Variants in CREB1 observed in about 807,000 individuals in gnomAD.
The protein encoded by CREB1 is cAMP responsive element binding protein 1, also known as cyclic AMP-responsive element-binding protein 1.
Under a neutral mutation model 42.0 loss-of-function variants are expected in CREB1, and 2 were observed. The ratio of observed to expected loss-of-function variants is 0.05; its 90% CI spans 0.02 to 0.15. CREB1 has a LOEUF of 0.15. CREB1 is among the 10% of genes least tolerant of loss of function. The pLI, the probability that CREB1 is intolerant of heterozygous loss-of-function variation, is 1.00. For synonymous variants in CREB1, 123 were observed against 139.9 expected (o/e 0.88, Z 0.85); for missense variants, 199 against 388.9 (o/e 0.51, Z 4.11).
chr2:207,532,093 G>A (rs1281560328), intron 1 of CREB1, among the ~76,000 whole-genome samples: 1 of 151,998 alleles, frequency 6.6e-6, no homozygotes, highest in Non-Finnish European at 1.5e-5. Context: ...CGGTGGCTGA[G>A]GCCTGTAATC....
intron 3 of CREB1, among the ~76,000 whole-genome samples, chr2:207,562,395 T>C (rs1054985005): frequency 4.6e-5 from 7 of 152,242 alleles, no homozygotes; most frequent in Non-Finnish European, 1.0e-4. Context: ...TATTGTTGAT[T>C]GTATTCTTGA....
intron 5 of CREB1, 70 bp from the exon 6 acceptor site, chr2:207,575,202 C>T (rs1036998814): frequency 7.0e-7 from 1 of 1,424,892 alleles, no homozygotes; most frequent in Non-Finnish European, 9.7e-7. Context: ...AATTATTCTA[C>T]ATTGGATGTA....
Position 207,570,270 on chromosome 2 carries a change from A to G in CREB1, c.454A>G (p.Thr152Ala), listed in dbSNP as rs748868942. The G allele has an allele frequency of 6.2e-7, 1 of 1,613,754 alleles. No individual in the cohort carries two copies. Among genetic ancestry groups the G allele is most frequent in the South Asian group, 1.1e-5 (1 of 91,052 alleles). The change falls in exon 5 of 8, where the codon ACC becomes GCC. Residue 152 changes from threonine to alanine, a missense_variant. By Grantham distance (58) the Thr-to-Ala change is moderately conservative. Transcript: ENST00000353267. ...AGAGGAGACTTCAGCACCTGCCATC[A>G]CCACTGTAACGGTGCCAACTCCAAT... ...SEEETSAPAI[T>A]TVTVPTPIYQ...
intron 7 of CREB1, among the ~76,000 whole-genome samples, chr2:207,585,521 T>C (rs2106634665): frequency 6.6e-6 from 1 of 152,192 alleles, no homozygotes; most frequent in South Asian, 2.1e-4. Context: ...AAACATAAAA[T>C]ACTGAGGAAA....
At chr2:207,542,759 T>G (rs1261398053) in intron 1 of CREB1, among the ~76,000 whole-genome samples, 3 of 152,192 alleles carry the variant, frequency 2.0e-5, no homozygotes, top group Non-Finnish European at 4.4e-5. Flanking sequence ...AAAAAATATC[T>G]CTGATCTCTG....
At chr2:207,579,894 C>G (rs61671940) in intron 7 of CREB1, among the ~76,000 whole-genome samples, 1,546 of 152,216 alleles carry the variant, frequency 0.01, 25 homozygotes, top group African/African-American at 0.036. Flanking sequence ...TTGACACTTT[C>G]GACTTCTCAT....
intron 3 of CREB1, among the ~76,000 whole-genome samples, chr2:207,563,809 T>C (rs1574844200): frequency 6.6e-6 from 1 of 152,058 alleles, no homozygotes; most frequent in East Asian, 1.9e-4. Flanking sequence ...CCAGGCGTGG[T>C]GGTAGGCACC....
chr2:207,571,830 C>T (rs1195200306), intron 5 of CREB1: 1 of 408,770 alleles, frequency 2.4e-6, no homozygotes, highest in Non-Finnish European at 4.9e-6. Flanking sequence ...GGAAAGAGGC[C>T]TATCAGAATC....
intron 3 of CREB1, 52 bp downstream of exon 3, chr2:207,560,424 A>G (rs780284665): frequency 9.0e-6 from 14 of 1,547,778 alleles, no homozygotes; most frequent in African/African-American, 8.2e-5. Flanking sequence ...GTTTATAGCC[A>G]TATCTCTCTC....
At chr2:207,551,506 G>A (rs1161636492) in intron 1 of CREB1, among the ~76,000 whole-genome samples, 1 of 152,036 alleles carries the variant, frequency 6.6e-6, no homozygotes, top group African/African-American at 2.4e-5. Flanking sequence ...ATGACTTGTA[G>A]TTTTTTTAAA....
At chr2:207,589,139 C>A (rs994412814) in intron 7 of CREB1, among the ~76,000 whole-genome samples, 1 of 152,094 alleles carries the variant, frequency 6.6e-6, no homozygotes, top group Non-Finnish European at 1.5e-5. Context: ...CTGGCTTAAA[C>A]AACACAAATG....
chr2:207,582,184 A>C (rs2083052375), intron 7 of CREB1: 1 of 702,888 alleles, frequency 1.4e-6, no homozygotes, highest in East Asian at 2.7e-5. Context: ...TATGAAAGAA[A>C]TTTGTGGTCA....
At chr2:207,570,566 T>G (rs2082315732) in intron 5 of CREB1, among the ~76,000 whole-genome samples, 1 of 152,206 alleles carries the variant, frequency 6.6e-6, no homozygotes, top group African/African-American at 2.4e-5. Context: ...TTTGTTTTTG[T>G]GCAGATGCAT....
At chr2:207,595,773 T>C (rs1196086716) in intron 7 of CREB1, among the ~76,000 whole-genome samples, 4 of 152,102 alleles carry the variant, frequency 2.6e-5, no homozygotes, top group Non-Finnish European at 5.9e-5. Flanking sequence ...CTTAATATAT[T>C]GCCCAGGCTG....
chr2:207,538,582 G>A (rs571902982), intron 1 of CREB1, among the ~76,000 whole-genome samples: 1 of 152,250 alleles, frequency 6.6e-6, no homozygotes, highest in Admixed American at 6.5e-5. Context: ...AATCTTAAAA[G>A]GGGCGAGGTT....
intron 1 of CREB1, among the ~76,000 whole-genome samples, chr2:207,533,051 C>G (rs2080717576): frequency 6.6e-6 from 1 of 151,830 alleles, no homozygotes; most frequent in African/African-American, 2.4e-5. Flanking sequence ...ACTGTTCCAG[C>G]CATGGATAAA....
intron 5 of CREB1, among the ~76,000 whole-genome samples, chr2:207,571,022 C>CTTTTTT (rs71036933): frequency 2.9e-5 from 2 of 68,420 alleles, no homozygotes; most frequent in African/African-American, 3.9e-5. Flanking sequence ...CTCTTTTTCC[C>CTTTTTT]TTTTTTTTTT....
rs1269635946 is a variant in CREB1 at position 207,588,553 on chromosome 2, G to A, written c.840-8361G>A. Among the ~76,000 whole-genome samples, 7 of 152,148 alleles carry A rather than the reference G, an allele frequency of 4.6e-5. No homozygotes were observed. In the South Asian group the frequency reaches 6.2e-4, roughly 14 times the overall value. On this transcript the variant is annotated intron_variant, in intron 7 of 7. Transcript: ENST00000353267. ...TTATAATCCGCTTGTTGATGTCTACGGAAAGTGTGCTAGAATTTTAGTTAG... is the reference window on the plus strand; with the variant it reads ...TTATAATCCGCTTGTTGATGTCTACAGAAAGTGTGCTAGAATTTTAGTTAG...
intron 7 of CREB1, among the ~76,000 whole-genome samples, chr2:207,579,434 A>G (rs1438745213): frequency 2.6e-5 from 4 of 152,158 alleles, no homozygotes; most frequent in Non-Finnish European, 5.9e-5. Context: ...GTTTATGTCT[A>G]TGTAGTTTGG....
Sources: allele counts gnomAD v4.1 joint callset (sites outside exome capture counted in the v4.1 genomes callset), GRCh38; gene constraint gnomAD v4.1.1; transcripts MANE v1.5; gene names NCBI Gene and HGNC (gene_info 2026-07-23, HGNC 2026-07-21).